Variants in MYO16 observed in about 807,000 individuals in gnomAD.
MYO16 encodes the protein unconventional myosin-XVI.
A neutral mutation model predicts 205.3 loss-of-function variants in MYO16; 94 were observed. That is an observed-to-expected ratio of 0.46 (90% CI 0.39 to 0.54). The LOEUF (loss-of-function observed/expected upper bound fraction) is 0.54, where lower values mean the gene tolerates loss of function less well. Ranked by LOEUF, MYO16 falls within the 20% of genes least tolerant of loss-of-function variation. The probability of loss-of-function intolerance (pLI) is 0.00; values close to 1 mark genes in which losing one functional copy is unlikely to be tolerated. For missense variants in MYO16, 2,315 were observed against 2,387.5 expected (o/e 0.97, Z 0.63); for synonymous variants, 988 against 954.0 (o/e 1.04, Z -0.66).
chr13:109,150,933 A>G (rs945542055), intron 32 of MYO16, among the ~76,000 whole-genome samples: 3 of 152,182 alleles, frequency 2.0e-5, no homozygotes, highest in African/African-American at 4.8e-5. Context: ...TCTGCATCTC[A>G]TTATTGCCAC....
chr13:108,770,524 A>G (rs1207163942), intron 4 of MYO16, among the ~76,000 whole-genome samples: 1 of 152,134 alleles, frequency 6.6e-6, no homozygotes, highest in Non-Finnish European at 1.5e-5. Flanking sequence ...CCTCAGCAAT[A>G]TCTCCCAAAC....
the MYO16 span, among the ~76,000 whole-genome samples, chr13:108,568,251 A>G: frequency 1.3e-5 from 2 of 152,106 alleles, no homozygotes; most frequent in Non-Finnish European, 2.9e-5. Flanking sequence ...GATAACTCCA[A>G]TTTTAACATT....
At chr13:109,187,383 G>T (rs1806661324) in intron 34 of MYO16, among the ~76,000 whole-genome samples, 1 of 151,890 alleles carries the variant, frequency 6.6e-6, no homozygotes, top group Non-Finnish European at 1.5e-5. Flanking sequence ...GATTCCTGTT[G>T]TTTTTTATTT....
At chr13:108,893,046 C>T (rs1488114775) in intron 14 of MYO16, among the ~76,000 whole-genome samples, 2 of 152,152 alleles carry the variant, frequency 1.3e-5, no homozygotes, top group Non-Finnish European at 2.9e-5. Flanking sequence ...GACTTCTAGT[C>T]TCATGAAAAA....
Position 109,052,392 on chromosome 13 carries a change from G to A in MYO16, c.2965G>A (p.Gly989Arg), listed in dbSNP as rs1294689214. 4.3e-6 allele frequency: 7 copies of A among 1,612,472 alleles called. No homozygotes were observed. The highest frequency in any genetic ancestry group is 1.3e-5 in the African/African-American group (1 of 74,830). The change falls in exon 25 of 35, where the codon GGA becomes AGA. Residue 989 changes from glycine (G) to arginine (R), a missense_variant. Around this residue, in one of 3 missense-constraint regions of MYO16, gnomAD observed 1,213 missense variants for 1,274.4 expected, o/e 0.95. Coordinates refer to ENST00000457511, the MANE Select transcript of MYO16 (RefSeq NM_001198950.3). ...VSAYPSFKFRGHKSALLSKKM... is the reference protein window; with the variant it reads ...VSAYPSFKFRRHKSALLSKKM... ...TGCCTATCCTTCCTTTAAATTCCGA[G>A]GACATAAGTCTGCCCTGCTCAGTAA...
intron 2 of MYO16, among the ~76,000 whole-genome samples, chr13:108,680,153 G>T (rs1882402306): frequency 6.6e-6 from 1 of 152,106 alleles, no homozygotes; most frequent in African/African-American, 2.4e-5. Context: ...AGTGTATCAG[G>T]GCATTGAATA....
intron 2 of MYO16, among the ~76,000 whole-genome samples, chr13:108,679,133 C>T (rs1882351957): frequency 6.6e-6 from 1 of 152,162 alleles, no homozygotes; most frequent in South Asian, 2.1e-4. Flanking sequence ...AGAATATTTT[C>T]TTTAAATACC....
chr13:109,098,551 G>A (rs56212998), intron 27 of MYO16, among the ~76,000 whole-genome samples: 17,396 of 152,214 alleles, frequency 0.11, 1,262 homozygotes, highest in Middle Eastern at 0.18. Flanking sequence ...CGTTGTCATG[G>A]AGAAGAATTG....
Position 109,055,274 on chromosome 13 carries a change from C to CACAG in MYO16, c.3130-115_3130-114insCAGA. On this transcript the variant is annotated intron_variant, in intron 26 of 34. Transcript: ENST00000457511. The surrounding 1 kb of genome is among the most constrained non-coding windows in gnomAD (Gnocchi z 5.0). ...ACACACACACACACACACACACACA[C>CACAG]AGAGTAAATGCATAATGAGATTTAA... The CACAG allele has an allele frequency of 1.1e-6, 1 of 872,140 alleles. No homozygotes were observed. The highest frequency in any genetic ancestry group is 1.7e-6 in the Non-Finnish European group (1 of 577,050). 54.0% of individuals were successfully genotyped at this position (872,140 alleles called of 1,614,324 possible).
intron 34 of MYO16, among the ~76,000 whole-genome samples, chr13:109,194,340 C>T (rs1162586451): frequency 6.6e-6 from 1 of 152,086 alleles, no homozygotes; most frequent in Non-Finnish European, 1.5e-5. Context: ...CTCAATTGTA[C>T]CTGAAATGGC....
chr13:108,526,987 T>A, the MYO16 span, among the ~76,000 whole-genome samples: 1 of 152,316 alleles, frequency 6.6e-6, no homozygotes, highest in East Asian at 1.9e-4. Context: ...TATCTTTTTC[T>A]TTCACTAACA....
chr13:108,960,396 G>A (rs1354614993), intron 17 of MYO16, among the ~76,000 whole-genome samples: 1 of 151,858 alleles, frequency 6.6e-6, no homozygotes, highest in African/African-American at 2.4e-5. Context: ...TATGATTTAG[G>A]GGTTAACCAA....
intron 9 of MYO16, among the ~76,000 whole-genome samples, chr13:108,833,060 A>C (rs1876711720): frequency 6.6e-6 from 1 of 152,108 alleles, no homozygotes; most frequent in African/African-American, 2.4e-5. Context: ...TATACATAAA[A>C]CTACTAAATT....
At chr13:108,984,405 T>G (rs563965233) in intron 20 of MYO16, among the ~76,000 whole-genome samples, 1 of 152,206 alleles carries the variant, frequency 6.6e-6, no homozygotes, top group Non-Finnish European at 1.5e-5. Context: ...TTTCCTGCAG[T>G]CACCATCCGC....
At chr13:108,915,712 T>C (rs1219869423) in intron 16 of MYO16, among the ~76,000 whole-genome samples, 2 of 152,232 alleles carry the variant, frequency 1.3e-5, no homozygotes, top group Non-Finnish European at 2.9e-5. Flanking sequence ...TCCAAAAAGT[T>C]ATTCTGAATC....
At chr13:108,782,693 G>T (rs1886340755) in intron 4 of MYO16, among the ~76,000 whole-genome samples, 1 of 152,154 alleles carries the variant, frequency 6.6e-6, no homozygotes, top group African/African-American at 2.4e-5. Flanking sequence ...GCCAGGCACA[G>T]GGTCCCCGTG....
intron 1 of MYO16, among the ~76,000 whole-genome samples, chr13:108,608,509 C>G (rs956645865): frequency 2.0e-5 from 3 of 152,164 alleles, no homozygotes; most frequent in African/African-American, 7.2e-5. Context: ...TCATCTTAAC[C>G]TATTCCTGAC....
intron 23 of MYO16, among the ~76,000 whole-genome samples, chr13:109,045,198 G>A (rs148590656): frequency 8.3e-4 from 127 of 152,296 alleles, no homozygotes; most frequent in Non-Finnish European, 1.5e-3. Context: ...GCCTCTAGAT[G>A]GAGGTTTCTT....
At chr13:108,683,816 G>A (rs1009238600) in intron 2 of MYO16, among the ~76,000 whole-genome samples, 1 of 152,232 alleles carries the variant, frequency 6.6e-6, no homozygotes. Flanking sequence ...TTTTTGAGTG[G>A]GACAGATGAT....
Sources: allele counts gnomAD v4.1 joint callset (sites outside exome capture counted in the v4.1 genomes callset), GRCh38; gene constraint gnomAD v4.1.1; regional missense constraint gnomAD v4.1.1; non-coding constraint Gnocchi (gnomAD v3.1); transcripts MANE v1.5; gene names NCBI Gene and HGNC (gene_info 2026-07-23, HGNC 2026-07-21).